The following PSD3 variants were observed in gnomAD, a reference collection of about 807,000 sequenced individuals.
PSD3 encodes pleckstrin and Sec7 domain containing 3, also known as PH and SEC7 domain-containing protein 3.
A neutral mutation model predicts 105.5 loss-of-function variants in PSD3; 49 were observed. The ratio of observed to expected loss-of-function variants is 0.46; its 90% CI spans 0.37 to 0.59. The LOEUF is 0.59. Ranked by LOEUF, PSD3 falls within the 20% of genes least tolerant of loss-of-function variation. PSD3 has a pLI of 0.00. For synonymous variants in PSD3, 557 were observed against 457.8 expected (o/e 1.22, Z -2.77); for missense variants, 1,561 against 1,263.8 (o/e 1.24, Z -3.57).
intron 15 of PSD3, among the ~76,000 whole-genome samples, chr8:18,551,105 G>A (rs759263209): frequency 2.6e-5 from 4 of 152,184 alleles, no homozygotes; most frequent in Non-Finnish European, 5.9e-5. Flanking sequence ...CCTTGTGACA[G>A]TTGGCACTGT....
At chr8:18,552,311 AATC>A (rs1297039955) in intron 15 of PSD3, among the ~76,000 whole-genome samples, 7 of 152,334 alleles carry the variant, frequency 4.6e-5, no homozygotes, top group African/African-American at 1.7e-4. Context: ...TAACATCTGT[AATC>A]ATCTTAAACG....
chr8:18,554,388 T>C (rs909271641), intron 15 of PSD3, among the ~76,000 whole-genome samples: 10 of 152,210 alleles, frequency 6.6e-5, no homozygotes. Flanking sequence ...GGTTTATTTT[T>C]ATTTTTTATT....
chr8:18,868,345 T>C (rs910258199), intron 3 of PSD3, among the ~76,000 whole-genome samples: 1 of 152,172 alleles, frequency 6.6e-6, no homozygotes, highest in African/African-American at 2.4e-5. Context: ...GAATAAAATA[T>C]TCAATTCTCA....
intron 2 of PSD3, among the ~76,000 whole-genome samples, chr8:18,921,125 A>C (rs1300716882): frequency 6.6e-6 from 1 of 152,220 alleles, no homozygotes; most frequent in Non-Finnish European, 1.5e-5. Context: ...ACTTTTTTTA[A>C]CAATCAAATT....
In PSD3 at chr8:18,768,267, CAG is replaced by C. The variant is rs200099109; in HGVS notation, c.2083-2731_2083-2730del. Among the ~76,000 whole-genome samples, 679 of 151,692 alleles carry C rather than the reference CAG, an allele frequency of 4.5e-3. 4 individuals carry two copies. Among genetic ancestry groups the C allele is most frequent in the African/African-American group, 0.015 (628 of 41,358 alleles). The stretch of plus-strand genomic sequence containing the variant: ...TGCCACTGCACTCCAGCCTGAGCGA[CAG>C]AGAGAGAGTCCAGTTCAAAAAATAA... On this transcript the variant is annotated intron_variant, in intron 8 of 15. Transcript: ENST00000327040.
chr8:18,634,067 T>G (rs1807084438), intron 10 of PSD3, among the ~76,000 whole-genome samples: 1 of 152,152 alleles, frequency 6.6e-6, no homozygotes, highest in South Asian at 2.1e-4. Flanking sequence ...TATCTTCTTT[T>G]GAGAACAGTC....
At chr8:19,004,418 G>C (rs1044418943) in intron 1 of PSD3, among the ~76,000 whole-genome samples, 2 of 152,064 alleles carry the variant, frequency 1.3e-5, no homozygotes, top group African/African-American at 4.8e-5. Flanking sequence ...GCCTAGAACT[G>C]TGCTAAGCCC....
At chr8:18,845,089 A>G (rs527254557) in intron 4 of PSD3, among the ~76,000 whole-genome samples, 1 of 152,336 alleles carries the variant, frequency 6.6e-6, no homozygotes, top group South Asian at 2.1e-4. Flanking sequence ...GTATATTCTA[A>G]AGGAAAAACA....
intron 8 of PSD3, among the ~76,000 whole-genome samples, chr8:18,776,011 G>T (rs1173105907): frequency 1.3e-5 from 2 of 151,970 alleles, no homozygotes; most frequent in Non-Finnish European, 2.9e-5. Flanking sequence ...CCAAGTTGAG[G>T]TGATTTTTGT....
At chr8:18,728,525 G>A (rs1301548763) in intron 9 of PSD3, among the ~76,000 whole-genome samples, 2 of 152,154 alleles carry the variant, frequency 1.3e-5, no homozygotes, top group South Asian at 2.1e-4. Context: ...CAGCATGGAT[G>A]GAGACTTAGA....
At chr8:18,653,298 T>C (rs1316124137) in intron 10 of PSD3, among the ~76,000 whole-genome samples, 2 of 151,824 alleles carry the variant, frequency 1.3e-5, no homozygotes, top group Non-Finnish European at 2.9e-5. Flanking sequence ...TGTCTTCTTC[T>C]AATTCTTGAC....
intron 9 of PSD3, among the ~76,000 whole-genome samples, chr8:18,723,106 C>T (rs978711405): frequency 2.6e-5 from 4 of 152,126 alleles, no homozygotes; most frequent in East Asian, 1.9e-4. Context: ...AACCATGCTC[C>T]GTTGAATTGA....
chr8:19,077,010 A>G (rs1409108269), intron 1 of PSD3, among the ~76,000 whole-genome samples: 1 of 152,088 alleles, frequency 6.6e-6, no homozygotes, highest in African/African-American at 2.4e-5. Flanking sequence ...TTGATTGTTT[A>G]TTACCGTCTA....
At chr8:18,888,646 A>G (rs1016238268) in intron 2 of PSD3, among the ~76,000 whole-genome samples, 1 of 152,226 alleles carries the variant, frequency 6.6e-6, no homozygotes, top group African/African-American at 2.4e-5. Context: ...TACATTTTTT[A>G]TAAAACTACC....
chr8:18,743,315 C>A (rs1171002778), intron 9 of PSD3, among the ~76,000 whole-genome samples: 1 of 152,074 alleles, frequency 6.6e-6, no homozygotes, highest in Non-Finnish European at 1.5e-5. Flanking sequence ...GGGGAGATAG[C>A]GAATGCAGGG....
At chr8:18,989,289 T>C (rs1485189418) in intron 1 of PSD3, 2 of 152,222 alleles carry the variant, frequency 1.3e-5, no homozygotes, top group African/African-American at 4.8e-5. Context: ...AGATAGGTGT[T>C]GCTGAGTGAC....
intron 9 of PSD3, among the ~76,000 whole-genome samples, chr8:18,761,311 T>C (rs1238299226): frequency 6.6e-6 from 1 of 152,182 alleles, no homozygotes; most frequent in African/African-American, 2.4e-5. Flanking sequence ...TTTTGACTAC[T>C]GCCGCTAATC....
At chr8:18,658,502 T>C (rs1809064279) in intron 9 of PSD3, among the ~76,000 whole-genome samples, 1 of 151,170 alleles carries the variant, frequency 6.6e-6, no homozygotes, top group Admixed American at 6.6e-5. Flanking sequence ...TACATGAAAA[T>C]ATTAATAGAT....
chr8:19,043,422 T>C (rs1378528094), intron 1 of PSD3, among the ~76,000 whole-genome samples: 1 of 152,218 alleles, frequency 6.6e-6, no homozygotes, highest in African/African-American at 2.4e-5. Flanking sequence ...AATATCCCCT[T>C]GAACTTAACA....
Sources: allele counts gnomAD v4.1 joint callset (sites outside exome capture counted in the v4.1 genomes callset), GRCh38; gene constraint gnomAD v4.1.1; transcripts MANE v1.5; gene names NCBI Gene and HGNC (gene_info 2026-07-23, HGNC 2026-07-21).